The following TMEM94 variants were observed in gnomAD, a reference collection of about 807,000 sequenced individuals.
The protein encoded by TMEM94 is transmembrane protein 94, also known as ER Mg2+ ATPase.
Under a neutral mutation model 158.6 loss-of-function variants are expected in TMEM94, and 81 were observed. The observed-to-expected ratio is 0.51, with a 90% CI of 0.43 to 0.61. TMEM94 has a LOEUF of 0.61. Ranked by LOEUF, TMEM94 falls within the 20% of genes least tolerant of loss-of-function variation. The probability of loss-of-function intolerance (pLI) is 0.00; values close to 1 mark genes in which losing one functional copy is unlikely to be tolerated. For synonymous variants in TMEM94, 751 were observed against 730.7 expected (o/e 1.03, Z -0.45); for missense variants, 1,435 against 1,762.0 (o/e 0.81, Z 3.32).
At position 75,492,496 on chromosome 17, in the gene TMEM94, A is replaced by C. The variant is rs890899018; in HGVS notation, c.1619A>C (p.Asp540Ala). 1.9e-6 allele frequency: 3 copies of C among 1,595,244 alleles called. No homozygotes were observed. In the African/African-American group the frequency reaches 4.0e-5, roughly 21 times the overall value. ...PSKTQPGMES[D>A]PYEAEDFVCD... is the part of the protein sequence containing the mutation. ...CAGACCCAGCCTGGGATGGAGAGCGACCCCTACGAAGCAGAGGACTTTGTG... is the reference window on the plus strand; with the variant it reads ...CAGACCCAGCCTGGGATGGAGAGCGCCCCCTACGAAGCAGAGGACTTTGTG... Residue 540 changes from aspartate (D) to alanine (A), a missense_variant, in exon 15 of 32, where the codon GAC (aspartate) becomes GCC (alanine). Around this residue, in one of 3 missense-constraint regions of TMEM94, gnomAD observed 1,051 missense variants for 1,254.4 expected, o/e 0.84. Transcript: ENST00000314256. This position sits in a 1 kb window ranked among gnomAD's most constrained non-coding sequence, Gnocchi z 4.4.
Position 75,496,752 on chromosome 17 carries a change from TC to T in TMEM94, c.3268del (p.Arg1090ValfsTer12), listed in dbSNP as rs1295577977. Reference protein sequence around the residue: ...IEQARHATYGIRKCFLFLLQC... With the variant: ...IEQARHATYGXRKCFLFLLQC... Reference sequence around the variant, plus strand: ...TAGGCTCGGCATGCCACCTATGGCATCCGTAAGTGCTTCCTCTTCCTGCTGC... The same window carrying T: ...TAGGCTCGGCATGCCACCTATGGCATCGTAAGTGCTTCCTCTTCCTGCTGC... On this transcript the variant is annotated frameshift_variant, in exon 25 of 32. Coordinates refer to ENST00000314256, the MANE Select transcript of TMEM94 (RefSeq NM_014738.6). LOFTEE classifies it high-confidence loss of function. 1 of 1,613,934 alleles carries T rather than the reference TC, an allele frequency of 6.2e-7. No individual in the cohort carries two copies. The highest frequency in any genetic ancestry group is 1.3e-5 in the African/African-American group (1 of 75,042).
chr17:75,481,130 C>T (rs2051128369), intron 2 of TMEM94, among the ~76,000 whole-genome samples: 1 of 152,242 alleles, frequency 6.6e-6, no homozygotes, highest in South Asian at 2.1e-4. Flanking sequence ...CTGAAGCTTT[C>T]CTTCCCTCCA....
intron 1 of TMEM94, among the ~76,000 whole-genome samples, chr17:75,462,011 G>GTTTTTTTTTTTTTTTTTTTTTTTTT (rs1156728166): frequency 3.2e-5 from 3 of 92,872 alleles, no homozygotes; most frequent in African/African-American, 1.5e-4. Flanking sequence ...GTTTTGTTTT[G>GTTTTTTTTTTTTTTTTTTTTTTTTT]TTTTTTTTTT....
Position 75,496,019 on chromosome 17 carries a change from C to G in TMEM94, c.2998C>G (p.Leu1000Val). The change falls in exon 23 of 32, where the codon CTG becomes GTG. Residue 1000 changes from leucine (L) to valine (V), a missense_variant. This residue lies in a region of TMEM94 where 49 missense variants were observed against 98.5 expected (regional missense o/e 0.50). Coordinates refer to ENST00000314256, the MANE Select transcript of TMEM94 (RefSeq NM_014738.6). ...AGAGTACGGGGAGGTGACCTGCTGC[C>G]TGGGCAGCTCTGCCAACCTGCGGAA... ...MQEYGEVTCC[L>V]GSSANLRNSC... The G allele has an allele frequency of 6.2e-7, 1 of 1,613,510 alleles. No homozygotes were observed. Among genetic ancestry groups the G allele is most frequent in the South Asian group, 1.1e-5 (1 of 91,064 alleles).
At chr17:75,488,648 C>A in intron 6 of TMEM94, 111 bp from the exon 7 acceptor site, 1 of 1,316,532 alleles carries the variant, frequency 7.6e-7, no homozygotes, top group Non-Finnish European at 1.1e-6. Context: ...GGACTCTGGG[C>A]TAACTGATGG....
At chr17:75,459,006 G>A (rs1222210639) in intron 1 of TMEM94, among the ~76,000 whole-genome samples, 3 of 150,408 alleles carry the variant, frequency 2.0e-5, no homozygotes, top group Non-Finnish European at 4.4e-5. Context: ...GCAGTGAGCC[G>A]AGATCGCGCC....
intron 27 of TMEM94, 58 bp downstream of exon 27, chr17:75,497,920 G>C (rs2052887736): frequency 1.3e-5 from 20 of 1,504,330 alleles, no homozygotes; most frequent in East Asian, 2.3e-5. Flanking sequence ...CTGAGGATTG[G>C]GGGAGGAGAG....
rs992896051 is a variant in TMEM94, at chr17:75,499,850, G to C, written c.*516G>C. 6.3e-6 allele frequency: 1 copy of C among 158,474 alleles called. No individual in the cohort carries two copies. Among genetic ancestry groups the C allele is most frequent in the Non-Finnish European group, 1.4e-5 (1 of 71,262 alleles). The allele number at this position is 158,474 out of a possible 1,614,324, so 9.8% of individuals were successfully genotyped here. ...GAGTGCCTCCCCTCCCTCCCTCTGT[G>C]GGGGAGTCTCCCGCCTGAACCTGAA... On this transcript the variant is annotated 3_prime_UTR_variant, in exon 32 of 32. Coordinates refer to ENST00000314256, the MANE Select transcript of TMEM94 (RefSeq NM_014738.6).
At position 75,496,425 on chromosome 17, in the gene TMEM94, C is replaced by T. The variant is rs555966057; in HGVS notation, c.3197C>T (p.Thr1066Ile). The stretch of plus-strand genomic sequence containing the variant: ...CTCAACAGCCTGCCCTGTTCCCTGA[C>T]CTTTCGCCAGGAGGAGACCATCAGC... ...GQLNSLPCSL[T>I]FRQEETISII... Residue 1066 changes from threonine to isoleucine, a missense_variant, in exon 24 of 32, where the codon ACC becomes ATC. By Grantham distance (89) the Thr-to-Ile change is moderately conservative (BLOSUM62 -1). Coordinates refer to ENST00000314256, the MANE Select transcript of TMEM94 (RefSeq NM_014738.6). The T allele has an allele frequency of 2.1e-5, 34 of 1,613,592 alleles. No individual in the cohort carries two copies. In the Admixed American group the frequency reaches 5.7e-4, roughly 27 times the overall value.
rs1247435817 is a variant in TMEM94, at chr17:75,497,804, C to G, written c.3431C>G (p.Pro1144Arg). 1.9e-6 allele frequency: 3 copies of G among 1,613,832 alleles called. No individual in the cohort carries two copies. Among genetic ancestry groups the G allele is most frequent in the African/African-American group, 1.3e-5 (1 of 74,922 alleles). ...LLSISLLGKP[P>R]HSSIMSMATG... is the part of the protein sequence containing the mutation. ...AGCATCTCTCTGCTGGGGAAGCCCC[C>G]CCATAGCTCCATCATGTCTATGGCA... is the stretch of plus-strand genomic sequence containing the variant. Residue 1144 changes from proline to arginine, a missense_variant, in exon 27 of 32, where the codon CCC becomes CGC. By Grantham distance (103) the Pro-to-Arg change is moderately radical. Transcript: ENST00000314256.
At chr17:75,459,772 T>G (rs2050005678) in intron 1 of TMEM94, 1 of 152,154 alleles carries the variant, frequency 6.6e-6, no homozygotes, top group Admixed American at 6.6e-5. Context: ...GTGGCACTGG[T>G]TGGTAAATAT....
chr17:75,475,431 C>T (rs774657235), intron 2 of TMEM94, among the ~76,000 whole-genome samples: 33 of 152,348 alleles, frequency 2.2e-4, no homozygotes, highest in Non-Finnish European at 4.0e-4. Flanking sequence ...AGCTCACACT[C>T]TCCAGCTCTG....
At chr17:75,463,079 TACACACACACAC>T (rs747265512) in intron 1 of TMEM94, among the ~76,000 whole-genome samples, 1 of 14,292 alleles carries the variant, frequency 7.0e-5, no homozygotes, top group Non-Finnish European at 9.0e-5. Context: ...TATATATATA[TACACACACACAC>T]ACATATATAT....
At position 75,483,381 on chromosome 17, in the gene TMEM94, G is replaced by A. The variant is rs1224948763; in HGVS notation, c.25-2047G>A. ...GGCCAGGGTCAAGAATGTTCTAGAG[G>A]TGATTGGGTGAGACAGTCACTGTGA... On this transcript the variant is annotated intron_variant, in intron 2 of 31. Transcript: ENST00000314256. 2.0e-5 allele frequency among the ~76,000 whole-genome samples: 3 copies of A among 152,260 alleles called. No individual in the cohort carries two copies. In the East Asian group the frequency reaches 5.8e-4, roughly 29 times the overall value.
chr17:75,472,121 T>G (rs747827814), intron 2 of TMEM94, among the ~76,000 whole-genome samples, 192 bp downstream of exon 2: 1 of 152,228 alleles, frequency 6.6e-6, no homozygotes, highest in Non-Finnish European at 1.5e-5. Context: ...GAGCTATGAA[T>G]AAAGGATGAA....
Position 75,489,535 on chromosome 17 carries a change from G to A in TMEM94, c.868-41G>A. The stretch of plus-strand genomic sequence containing the variant: ...GAACGGCAGTGCCTGGGTCCCTCTA[G>A]AGGGGCGGGGTCAAGGCTGTGCCTC... On this transcript the variant is annotated intron_variant, in intron 8 of 31. Transcript: ENST00000314256. The surrounding 1 kb of genome is among the most constrained non-coding windows in gnomAD (Gnocchi z 5.0). 1 of 1,582,274 alleles carries A rather than the reference G, an allele frequency of 6.3e-7. No homozygotes were observed.
Position 75,487,193 on chromosome 17 carries a change from G to A in TMEM94, c.410-739G>A, listed in dbSNP as rs1251716016. The A allele has an allele frequency of 6.6e-6, 1 of 152,480 alleles. No individual in the cohort carries two copies. The highest frequency in any genetic ancestry group is 1.5e-5 in the Non-Finnish European group (1 of 68,230). The allele number at this position is 152,480 out of a possible 1,614,324, so 9.4% of individuals were successfully genotyped here. On this transcript the variant is annotated intron_variant, in intron 5 of 31. Transcript: ENST00000314256. This position sits in a 1 kb window ranked among gnomAD's most constrained non-coding sequence, Gnocchi z 4.6. The stretch of plus-strand genomic sequence containing the variant: ...CTTAGTCTCCTGCCCAGGAGCATCA[G>A]TGGCTCCCTTTTGCTTATGGAAGCC...
In TMEM94 at chr17:75,498,419, C is replaced by G. The variant is rs2052962255; in HGVS notation, c.3639-25C>G. The G allele has an allele frequency of 6.2e-7, 1 of 1,600,066 alleles. No homozygotes were observed. The highest frequency in any genetic ancestry group is 1.3e-5 in the African/African-American group (1 of 74,720). The stretch of plus-strand genomic sequence containing the variant: ...CTACCTCCCTGCGGCCCTAGAGGGG[C>G]TGAGCCCATGCCTCACTTTGGCAGC... On this transcript the variant is annotated intron_variant, in intron 28 of 31. Coordinates refer to ENST00000314256, the MANE Select transcript of TMEM94 (RefSeq NM_014738.6). The surrounding 1 kb of genome is among the most constrained non-coding windows in gnomAD (Gnocchi z 6.7).
At chr17:75,475,409 T>C (rs1234336517) in intron 2 of TMEM94, among the ~76,000 whole-genome samples, 2 of 152,164 alleles carry the variant, frequency 1.3e-5, no homozygotes, top group East Asian at 3.9e-4. Flanking sequence ...TGGAGAAACA[T>C]GCTCAGGCTC....
Sources: gnomAD v4.1 joint callset for allele counts (sites outside exome capture counted in the v4.1 genomes callset) on GRCh38, gnomAD v4.1.1 for gene constraint, gnomAD v4.1.1 regional missense constraint, Gnocchi (gnomAD v3.1) non-coding constraint, MANE v1.5 for transcripts, NCBI Gene and HGNC (gene_info 2026-07-23, HGNC 2026-07-21) for gene names.